Variants in TANGO6 observed in about 807,000 individuals in gnomAD.
The protein encoded by TANGO6 is transport and Golgi organization protein 6 homolog.
In TANGO6, 90 loss-of-function variants were observed where a neutral mutation model predicts 114.2. The observed-to-expected ratio is 0.79, with a 90% CI of 0.66 to 0.94. TANGO6 has a LOEUF of 0.94. Ranked by LOEUF, TANGO6 falls within the 40% of genes least tolerant of loss-of-function variation. TANGO6 has a pLI of 0.00. For synonymous variants in TANGO6, 477 were observed against 509.8 expected, an observed-to-expected ratio of 0.94 and a Z score of 0.87; for missense variants, 1,274 against 1,315.3, an observed-to-expected ratio of 0.97 and a Z score of 0.49.
chr16:68,876,743 C>A (rs1231306956), intron 5 of TANGO6, among the ~76,000 whole-genome samples: 1 of 152,066 alleles, frequency 6.6e-6, no homozygotes, highest in Non-Finnish European at 1.5e-5. Flanking sequence ...ATCTCTTGAA[C>A]CTGGGAGGCA....
intron 17 of TANGO6, among the ~76,000 whole-genome samples, chr16:69,065,396 C>T (rs1960199352): frequency 6.6e-6 from 1 of 152,200 alleles, no homozygotes; most frequent in Non-Finnish European, 1.5e-5. Context: ...CCATCTTGGT[C>T]TTTGTCCCTA....
In TANGO6 at chr16:69,012,869, A is replaced by G. The variant is rs577560923; in HGVS notation, c.2843-9959A>G. 1.5e-4 allele frequency among the ~76,000 whole-genome samples: 23 copies of G among 152,352 alleles called. No homozygotes were observed. In the East Asian group the frequency reaches 3.1e-3, roughly 20 times the overall value. ...AGCCTTACGGTTCAAATAAGTTTCAACTGAGTCAATGGGAACATCTCATCT... is the reference window on the plus strand; with the variant it reads ...AGCCTTACGGTTCAAATAAGTTTCAGCTGAGTCAATGGGAACATCTCATCT... On this transcript the variant is annotated intron_variant, in intron 15 of 17. Transcript: ENST00000261778.
At chr16:69,082,077 G>A (rs553611933) in intron 17 of TANGO6, among the ~76,000 whole-genome samples, 10 of 152,166 alleles carry the variant, frequency 6.6e-5, no homozygotes, top group African/African-American at 2.4e-4. Flanking sequence ...TCCGCCTCCT[G>A]GGTTCAAGTG....
At chr16:68,975,215 C>T (rs1416958828) in intron 15 of TANGO6, among the ~76,000 whole-genome samples, 3 of 152,138 alleles carry the variant, frequency 2.0e-5, no homozygotes, top group Admixed American at 2.0e-4. Context: ...GAAACTGTAG[C>T]TCAAACATTT....
chr16:69,062,687 G>C (rs115215572), intron 17 of TANGO6, among the ~76,000 whole-genome samples: 3,511 of 150,366 alleles, frequency 0.023, 145 homozygotes, highest in African/African-American at 0.081. Context: ...GGGCGAGGCT[G>C]GTCTGGAACC....
rs185021557 is a variant in TANGO6 at position 68,990,680 on chromosome 16, T to C, written c.2842+16512T>C. On this transcript the variant is annotated intron_variant, in intron 15 of 17. Coordinates refer to ENST00000261778, the MANE Select transcript of TANGO6 (RefSeq NM_024562.2). ...CCTCAGCTTCCCAAAGTGCTGAGAT[T>C]ATAGGCATGAGCCACCATGCCTGGC... Among the ~76,000 whole-genome samples, 75 of 152,288 alleles carry C rather than the reference T, an allele frequency of 4.9e-4. No individual in the cohort carries two copies. The Middle Eastern group carries it at 0.01, about 21-fold the overall frequency.
At chr16:68,846,465 T>C in intron 1 of TANGO6, 1 of 308,214 alleles carries the variant, frequency 3.2e-6, no homozygotes, top group Non-Finnish European at 6.3e-6. Context: ...CAATCACCTT[T>C]TCAAATAATT....
At chr16:68,861,186 G>A (rs999251154) in intron 2 of TANGO6, among the ~76,000 whole-genome samples, 2 of 152,108 alleles carry the variant, frequency 1.3e-5, no homozygotes, top group Non-Finnish European at 2.9e-5. Flanking sequence ...TGACGCAGCA[G>A]GAAGCACTAC....
intron 7 of TANGO6, among the ~76,000 whole-genome samples, chr16:68,887,905 A>C (rs911275856): frequency 3.9e-5 from 6 of 152,074 alleles, no homozygotes; most frequent in Non-Finnish European, 7.4e-5. Context: ...ACAACAACAA[A>C]AAAGAGTAAA....
intron 9 of TANGO6, among the ~76,000 whole-genome samples, 171 bp downstream of exon 9, chr16:68,902,675 AG>A (rs1315378905): frequency 6.6e-6 from 1 of 152,164 alleles, no homozygotes; most frequent in Non-Finnish European, 1.5e-5. Flanking sequence ...ATAATCCTCC[AG>A]GTTTTTTCCT....
chr16:68,917,461 G>T (rs1963022191), intron 11 of TANGO6, among the ~76,000 whole-genome samples: 1 of 152,144 alleles, frequency 6.6e-6, no homozygotes, highest in Admixed American at 6.5e-5. Flanking sequence ...AGTATGTTTA[G>T]TTTTGTAAGA....
intron 15 of TANGO6, among the ~76,000 whole-genome samples, 181 bp downstream of exon 15, chr16:68,974,349 A>G (rs1480062700): frequency 6.6e-6 from 1 of 152,150 alleles, no homozygotes; most frequent in Non-Finnish European, 1.5e-5. Context: ...GAAAGCAACA[A>G]TGTCCTTTTT....
intron 10 of TANGO6, among the ~76,000 whole-genome samples, chr16:68,908,142 T>C (rs2152185430): frequency 6.6e-6 from 1 of 152,306 alleles, no homozygotes; most frequent in South Asian, 2.1e-4. Flanking sequence ...CATAAGCCAG[T>C]GACCTCCAGC....
intron 15 of TANGO6, among the ~76,000 whole-genome samples, chr16:69,021,999 C>T (rs1360952047): frequency 1.3e-5 from 2 of 151,544 alleles, no homozygotes; most frequent in Non-Finnish European, 2.9e-5. Flanking sequence ...CATTCTCCTA[C>T]CTCAGCCTCT....
intron 7 of TANGO6, among the ~76,000 whole-genome samples, chr16:68,889,871 A>G (rs910884139): frequency 6.6e-6 from 1 of 152,218 alleles, no homozygotes; most frequent in Non-Finnish European, 1.5e-5. Flanking sequence ...AAAAACTGTC[A>G]GTTCTCTTTT....
chr16:68,906,423 G>A (rs1962850394), intron 9 of TANGO6, among the ~76,000 whole-genome samples: 2 of 152,240 alleles, frequency 1.3e-5, no homozygotes, highest in Non-Finnish European at 2.9e-5. Flanking sequence ...AAGTTCCTTT[G>A]AATGACATCC....
At chr16:68,892,576 A>G (rs1364008857) in intron 7 of TANGO6, among the ~76,000 whole-genome samples, 1 of 148,768 alleles carries the variant, frequency 6.7e-6, no homozygotes, top group Non-Finnish European at 1.5e-5. Context: ...GTGGTGTAGC[A>G]TGATCTCGGC....
At chr16:68,949,478 G>A (rs1273439979) in intron 14 of TANGO6, among the ~76,000 whole-genome samples, 2 of 151,902 alleles carry the variant, frequency 1.3e-5, no homozygotes, top group Non-Finnish European at 2.9e-5. Context: ...AAAATTAGCC[G>A]GGCATGATTG....
chr16:68,865,100 AC>A (rs1470901786), intron 3 of TANGO6, among the ~76,000 whole-genome samples: 3 of 150,738 alleles, frequency 2.0e-5, no homozygotes, highest in Non-Finnish European at 4.4e-5. Flanking sequence ...AGATGGTGAA[AC>A]CCTGTCTCTA....
Sources: allele counts gnomAD v4.1 joint callset (sites outside exome capture counted in the v4.1 genomes callset), GRCh38; gene constraint gnomAD v4.1.1; transcripts MANE v1.5; gene names NCBI Gene and HGNC (gene_info 2026-07-23, HGNC 2026-07-21).